Variants in RSU1 observed in about 807,000 individuals in gnomAD.
RSU1 encodes the protein rsu-1.
A neutral mutation model predicts 31.1 loss-of-function variants in RSU1; 26 were observed. The observed-to-expected ratio is 0.84, with a 90% CI of 0.61 to 1.16. RSU1 has a LOEUF of 1.16. RSU1 is among the 50% of genes most tolerant of loss of function. The probability of loss-of-function intolerance (pLI) is 0.00; values close to 1 mark genes in which losing one functional copy is unlikely to be tolerated. For missense variants in RSU1, 320 were observed against 339.1 expected, an observed-to-expected ratio of 0.94 and a Z score of 0.44; for synonymous variants, 164 against 136.3, an observed-to-expected ratio of 1.20 and a Z score of -1.41.
At chr10:16,596,082 GGGGTCCT>G (rs1833607718) in intron 8 of RSU1, among the ~76,000 whole-genome samples, 1 of 152,140 alleles carries the variant, frequency 6.6e-6, no homozygotes, top group African/African-American at 2.4e-5. Context: ...TGGGCACCTG[GGGGTCCT>G]GGGTCCTGTG....
chr10:16,703,975 T>C lies in RSU1; in HGVS notation c.599-8820A>G, dbSNP rs573662269. Reference sequence around the variant, plus strand: ...ACAACTTTCAGAGTTTTTAGTTTCATAGGTCTTGGGTGAAGCCCTAGTGTT... The same window carrying C: ...ACAACTTTCAGAGTTTTTAGTTTCACAGGTCTTGGGTGAAGCCCTAGTGTT... On this transcript the variant is annotated intron_variant, in intron 7 of 8. Coordinates refer to ENST00000345264, the MANE Select transcript of RSU1 (RefSeq NM_012425.4). Among the ~76,000 whole-genome samples the C allele has an allele frequency of 9.3e-5, 13 of 139,752 alleles. No homozygotes were observed. In the South Asian group the frequency reaches 1.6e-3, roughly 17 times the overall value. 91.7% of individuals were successfully genotyped at this position (139,752 alleles called of 152,430 possible).
At chr10:16,649,619 T>C (rs992457053) in intron 8 of RSU1, among the ~76,000 whole-genome samples, 3 of 152,206 alleles carry the variant, frequency 2.0e-5, no homozygotes, top group Non-Finnish European at 4.4e-5. Context: ...CAATTTTCCC[T>C]ATTAAGTTCT....
At chr10:16,714,398 T>C (rs1301589445) in intron 7 of RSU1, among the ~76,000 whole-genome samples, 1 of 152,176 alleles carries the variant, frequency 6.6e-6, no homozygotes, top group Non-Finnish European at 1.5e-5. Context: ...GGACCAGCTG[T>C]CAGGCTAGAC....
At chr10:16,644,751 G>T (rs1834505484) in intron 8 of RSU1, among the ~76,000 whole-genome samples, 1 of 152,164 alleles carries the variant, frequency 6.6e-6, no homozygotes, top group African/African-American at 2.4e-5. Flanking sequence ...GCAGGAGGAA[G>T]TAAGAGTGAA....
chr10:16,696,707 T>C (rs994068141), intron 7 of RSU1, among the ~76,000 whole-genome samples: 5 of 152,184 alleles, frequency 3.3e-5, no homozygotes, highest in Non-Finnish European at 7.3e-5. Flanking sequence ...CTTGGGAAAT[T>C]AGTGAGCTTG....
At chr10:16,630,752 C>A (rs889534200) in intron 8 of RSU1, among the ~76,000 whole-genome samples, 3 of 152,224 alleles carry the variant, frequency 2.0e-5, no homozygotes, top group African/African-American at 7.2e-5. Context: ...AAAGGCTTCA[C>A]AAACCCAGGA....
At position 16,638,427 on chromosome 10, in the gene RSU1, G is replaced by C. The variant is rs560595771; in HGVS notation, c.732-44931C>G. ...ACTTTGCAGAACTGAAACCCCAGTGGGTTTATGAGTTCAAAAAAAATCCTT... is the reference window on the plus strand; with the variant it reads ...ACTTTGCAGAACTGAAACCCCAGTGCGTTTATGAGTTCAAAAAAAATCCTT... On this transcript the variant is annotated intron_variant, in intron 8 of 8. Coordinates refer to ENST00000345264, the MANE Select transcript of RSU1 (RefSeq NM_012425.4). Among the ~76,000 whole-genome samples, 3 of 152,214 alleles carry C rather than the reference G, an allele frequency of 2.0e-5. No individual in the cohort carries two copies. The South Asian group carries it at 6.2e-4, about 32-fold the overall frequency.
intron 7 of RSU1, among the ~76,000 whole-genome samples, chr10:16,742,299 T>C (rs989210505): frequency 5.9e-5 from 9 of 152,170 alleles, no homozygotes; most frequent in East Asian, 3.8e-4. Context: ...AAGGTCTAAA[T>C]ATAAATATGA....
At chr10:16,763,274 GA>G (rs913413590) in intron 4 of RSU1, among the ~76,000 whole-genome samples, 2 of 152,142 alleles carry the variant, frequency 1.3e-5, no homozygotes, top group African/African-American at 2.4e-5. Flanking sequence ...TAACTTACAA[GA>G]AAAGAGGTTT....
intron 7 of RSU1, among the ~76,000 whole-genome samples, chr10:16,720,838 T>C (rs1411076973): frequency 1.3e-5 from 2 of 152,092 alleles, no homozygotes; most frequent in East Asian, 3.8e-4. Context: ...ATACAGTCAT[T>C]AGCTGGGCAT....
At chr10:16,640,527 G>C (rs986933272) in intron 8 of RSU1, among the ~76,000 whole-genome samples, 13 of 152,206 alleles carry the variant, frequency 8.5e-5, no homozygotes, top group African/African-American at 3.1e-4. Context: ...CTGAACATGG[G>C]CCACTGGGCC....
intron 7 of RSU1, among the ~76,000 whole-genome samples, chr10:16,700,105 T>C (rs764179445): frequency 2.0e-5 from 3 of 152,142 alleles, no homozygotes; most frequent in Non-Finnish European, 2.9e-5. Context: ...ATAATCACAC[T>C]CTAAGAATTC....
chr10:16,800,546 G>C (rs570432315), intron 2 of RSU1, among the ~76,000 whole-genome samples: 89 of 152,308 alleles, frequency 5.8e-4, no homozygotes, highest in African/African-American at 2.1e-3. Flanking sequence ...AAAGCAAAGA[G>C]AAAGAAGAGT....
intron 8 of RSU1, among the ~76,000 whole-genome samples, chr10:16,611,390 A>AT (rs1833889532): frequency 1.3e-5 from 2 of 152,166 alleles, no homozygotes. Context: ...GGCTAACTGT[A>AT]TTTTTTAACT....
intron 7 of RSU1, among the ~76,000 whole-genome samples, chr10:16,716,888 C>T (rs186329807): frequency 3.6e-4 from 55 of 152,218 alleles, no homozygotes; most frequent in African/African-American, 1.2e-3. Flanking sequence ...CATATGATCA[C>T]GTAATCTTAA....
intron 8 of RSU1, among the ~76,000 whole-genome samples, chr10:16,626,014 G>A (rs1033435547): frequency 5.3e-5 from 8 of 151,906 alleles, no homozygotes; most frequent in South Asian, 2.1e-4. Flanking sequence ...TGGGATGGGC[G>A]CTCAGTGCAT....
At chr10:16,711,211 ATAT>A (rs1363612199) in intron 7 of RSU1, among the ~76,000 whole-genome samples, 7 of 152,220 alleles carry the variant, frequency 4.6e-5, no homozygotes, top group African/African-American at 1.7e-4. Context: ...GCAGCTCATA[ATAT>A]TCTCTATAAT....
chr10:16,612,633 TTG>T (rs1833911844), intron 8 of RSU1, among the ~76,000 whole-genome samples: 2 of 152,340 alleles, frequency 1.3e-5, no homozygotes, highest in South Asian at 4.1e-4. Flanking sequence ...ATGTCATTTG[TTG>T]TAATGAACAC....
chr10:16,758,382 C>T (rs1193142717), intron 4 of RSU1, among the ~76,000 whole-genome samples: 1 of 152,174 alleles, frequency 6.6e-6, no homozygotes. Flanking sequence ...CATCTCCATC[C>T]ATCCACATTT....
Sources: gnomAD v4.1 joint callset for allele counts (sites outside exome capture counted in the v4.1 genomes callset) on GRCh38, gnomAD v4.1.1 for gene constraint, MANE v1.5 for transcripts, NCBI Gene and HGNC (gene_info 2026-07-23, HGNC 2026-07-21) for gene names.